The following ZBTB40 variants were observed in gnomAD, a reference collection of about 807,000 sequenced individuals.
The protein encoded by ZBTB40 is zinc finger and BTB domain containing 40, also known as zinc finger and BTB domain-containing protein 40.
Under a neutral mutation model 117.5 loss-of-function variants are expected in ZBTB40, and 60 were observed. The ratio of observed to expected loss-of-function variants is 0.51; its 90% CI spans 0.41 to 0.63. The LOEUF (loss-of-function observed/expected upper bound fraction) is 0.63, where lower values mean the gene tolerates loss of function less well. ZBTB40 is among the 30% of genes least tolerant of loss of function. ZBTB40 has a pLI of 0.00. For synonymous variants in ZBTB40, 525 were observed against 577.1 expected, an observed-to-expected ratio of 0.91 and a Z score of 1.29; for missense variants, 1,287 against 1,498.5, an observed-to-expected ratio of 0.86 and a Z score of 2.33.
At chr1:22,470,377 T>G (rs1447185851) in intron 1 of ZBTB40, among the ~76,000 whole-genome samples, 1 of 151,960 alleles carries the variant, frequency 6.6e-6, no homozygotes, top group Non-Finnish European at 1.5e-5. Flanking sequence ...GTGAATGAAG[T>G]GTGTGGGAGA....
At chr1:22,508,972 C>A in intron 8 of ZBTB40, 128 bp from the exon 9 acceptor site, 1 of 1,475,922 alleles carries the variant, frequency 6.8e-7, no homozygotes, top group Non-Finnish European at 9.5e-7. Context: ...CCGTTTTCCC[C>A]ACTGCCAACC....
chr1:22,521,684 G>A (rs774793703), intron 15 of ZBTB40, 26 bp downstream of exon 15: 2 of 1,614,216 alleles, frequency 1.2e-6, no homozygotes, highest in South Asian at 1.1e-5. Context: ...CGCCGGCAGA[G>A]AGCGGGAGGG....
rs770065030 is a variant in ZBTB40 at position 22,508,749 on chromosome 1, TG to T, written c.1699+25del. ...CCGGGCAGGTAAGTTACCTGCCCTCTGGGGGGGTTTTGCCCCCACTAGAGAT... is the reference window on the plus strand; with the variant it reads ...CCGGGCAGGTAAGTTACCTGCCCTCTGGGGGGTTTTGCCCCCACTAGAGAT... On this transcript the variant is annotated intron_variant, in intron 8 of 17. Coordinates refer to ENST00000375647, the MANE Select transcript of ZBTB40 (RefSeq NM_014870.4). The T allele has an allele frequency of 1.2e-5, 20 of 1,611,586 alleles. No homozygotes were observed. The highest frequency in any genetic ancestry group is 2.2e-5 in the East Asian group (1 of 44,880).
chr1:22,442,461 C>A (rs1486016433), intron 1 of ZBTB40, among the ~76,000 whole-genome samples: 1 of 151,038 alleles, frequency 6.6e-6, no homozygotes, highest in Non-Finnish European at 1.5e-5. Flanking sequence ...GAGGAGGCAG[C>A]CCTGAGCTTA....
At chr1:22,502,895 G>A (rs1463494528) in intron 5 of ZBTB40, among the ~76,000 whole-genome samples, 1 of 152,098 alleles carries the variant, frequency 6.6e-6, no homozygotes, top group African/African-American at 2.4e-5. Context: ...TGTAGAAAAT[G>A]GGGAAAGCAA....
intron 1 of ZBTB40, among the ~76,000 whole-genome samples, chr1:22,471,877 G>A (rs952361805): frequency 6.6e-5 from 10 of 152,220 alleles, no homozygotes; most frequent in African/African-American, 2.2e-4. Flanking sequence ...AGCTGCACTC[G>A]AGAGCAGAGT....
At position 22,528,394 on chromosome 1, in the gene ZBTB40, A is replaced by G. The variant is rs1462089861; in HGVS notation, c.*1998A>G. 6.6e-6 allele frequency: 1 copy of G among 152,150 alleles called. No individual in the cohort carries two copies. Among genetic ancestry groups the G allele is most frequent in the East Asian group, 1.9e-4 (1 of 5,300 alleles). 9.4% of individuals were successfully genotyped at this position (152,150 alleles called of 1,614,324 possible). ...AATTTCTTCCAAAACAAAACTAGAA[A>G]TAATTGCTGAGGGCTTATAGGGAAG... On this transcript the variant is annotated 3_prime_UTR_variant, in exon 18 of 18. Transcript: ENST00000375647.
At chr1:22,525,642 G>A (rs1639655558) in intron 17 of ZBTB40, among the ~76,000 whole-genome samples, 1 of 152,250 alleles carries the variant, frequency 6.6e-6, no homozygotes, top group Non-Finnish European at 1.5e-5. Flanking sequence ...AGGAGAGAAG[G>A]GGGCACTGGC....
intron 11 of ZBTB40, among the ~76,000 whole-genome samples, chr1:22,512,441 T>G (rs1157668481): frequency 6.6e-6 from 1 of 152,200 alleles, no homozygotes; most frequent in Non-Finnish European, 1.5e-5. Flanking sequence ...ACACAATAAC[T>G]TACAGCTCTT....
intron 6 of ZBTB40, among the ~76,000 whole-genome samples, chr1:22,507,325 TA>T (rs1232938279): frequency 4.6e-5 from 7 of 152,196 alleles, no homozygotes; most frequent in Non-Finnish European, 8.8e-5. Context: ...GGGCATTCAG[TA>T]AATATTAGTT....
In ZBTB40 at chr1:22,524,361, G is replaced by C. The variant is rs1188301997; in HGVS notation, c.3442G>C (p.Ala1148Pro). Residue 1148 changes from alanine to proline, a missense_variant, in exon 17 of 18, where the codon GCC (alanine) becomes CCC (proline). By Grantham distance (27) the Ala-to-Pro change is conservative (BLOSUM62 -1). Around this residue, in one of 2 missense-constraint regions of ZBTB40, gnomAD observed 417 missense variants for 564.1 expected, o/e 0.74. Transcript: ENST00000375647. ...CTGTGGGGAACTCTTCACCTCCCAGGCCCAGCTTGACAGTCACCTGGAATC... is the reference window on the plus strand; with the variant it reads ...CTGTGGGGAACTCTTCACCTCCCAGCCCCAGCTTGACAGTCACCTGGAATC... The part of the protein sequence containing the change: ...ELCGELFTSQ[A>P]QLDSHLESEH... 1 of 1,614,144 alleles carries C rather than the reference G, an allele frequency of 6.2e-7. No individual in the cohort carries two copies. Among genetic ancestry groups the C allele is most frequent in the East Asian group, 2.2e-5 (1 of 44,882 alleles).
intron 1 of ZBTB40, among the ~76,000 whole-genome samples, chr1:22,467,895 A>G (rs1460345058): frequency 6.6e-6 from 1 of 150,936 alleles, no homozygotes; most frequent in Middle Eastern, 3.2e-3. Context: ...GGAGTTCGCG[A>G]GCAGCCTGGG....
chr1:22,510,565 C>T (rs957358199), intron 9 of ZBTB40, among the ~76,000 whole-genome samples: 5 of 152,132 alleles, frequency 3.3e-5, no homozygotes, highest in Admixed American at 6.5e-5. Context: ...CTCAGTGTAC[C>T]GACTCTTTCT....
intron 1 of ZBTB40, among the ~76,000 whole-genome samples, chr1:22,443,294 T>G (rs780134899): frequency 2.6e-5 from 4 of 152,154 alleles, no homozygotes; most frequent in Non-Finnish European, 4.4e-5. Flanking sequence ...GTGATCAGAT[T>G]ACAGTTTGGT....
intron 3 of ZBTB40, among the ~76,000 whole-genome samples, 165 bp from the exon 4 acceptor site, chr1:22,501,327 G>A (rs1273170617): frequency 2.0e-5 from 3 of 152,218 alleles, no homozygotes; most frequent in Non-Finnish European, 4.4e-5. Context: ...GCATGGGACC[G>A]CAGGGCTTGT....
chr1:22,452,274 C>T (rs974073315), intron 1 of ZBTB40, among the ~76,000 whole-genome samples: 3 of 152,190 alleles, frequency 2.0e-5, no homozygotes, highest in African/African-American at 7.2e-5. Flanking sequence ...CCGCCTGGGG[C>T]TCGCTGTCGC....
chr1:22,524,955 C>T lies in ZBTB40; in HGVS notation c.3525+511C>T, dbSNP rs150363984. 3.3e-5 allele frequency among the ~76,000 whole-genome samples: 5 copies of T among 152,318 alleles called. No homozygotes were observed. In the East Asian group the frequency reaches 9.6e-4, roughly 29 times the overall value. ...CCCAGATCCTCTTTTACTCTTCTTC[C>T]CATCTTCTCCAGAGAGGGTGGGCAG... On this transcript the variant is annotated intron_variant, in intron 17 of 17. Coordinates refer to ENST00000375647, the MANE Select transcript of ZBTB40 (RefSeq NM_014870.4).
chr1:22,452,370 G>A (rs1266725708), intron 1 of ZBTB40, among the ~76,000 whole-genome samples: 2 of 152,222 alleles, frequency 1.3e-5, no homozygotes, highest in Admixed American at 6.5e-5. Flanking sequence ...GGGCGTCAGC[G>A]GACTATGGCC....
chr1:22,493,872 C>T (rs1302043927), intron 3 of ZBTB40, among the ~76,000 whole-genome samples: 1 of 144,814 alleles, frequency 6.9e-6, no homozygotes, highest in Non-Finnish European at 1.5e-5. Context: ...TTCATTCCTT[C>T]TTATTGCTGA....
Sources: allele counts gnomAD v4.1 joint callset (sites outside exome capture counted in the v4.1 genomes callset), GRCh38; gene constraint gnomAD v4.1.1; regional missense constraint gnomAD v4.1.1; transcripts MANE v1.5; gene names NCBI Gene and HGNC (gene_info 2026-07-23, HGNC 2026-07-21).